The following COMMD1 variants were observed in gnomAD, a reference collection of about 807,000 sequenced individuals.
The protein encoded by COMMD1 is copper metabolism domain containing 1.
A neutral mutation model predicts 17.2 loss-of-function variants in COMMD1; 10 were observed. The observed-to-expected ratio is 0.58, with a 90% confidence interval of 0.36 to 0.99. COMMD1 has a LOEUF of 0.99. Ranked by LOEUF, COMMD1 falls within the 50% of genes least tolerant of loss-of-function variation. COMMD1 has a pLI of 0.01. For synonymous variants in COMMD1, 97 were observed against 91.6 expected (o/e 1.06, Z -0.34); for missense variants, 270 against 231.8 (o/e 1.17, Z -1.07).
chr2:62,013,580 G>A (rs1267424956), intron 2 of COMMD1, among the ~76,000 whole-genome samples: 2 of 152,248 alleles, frequency 1.3e-5, no homozygotes, highest in African/African-American at 4.8e-5. Context: ...GGCTCTCACA[G>A]TGGTCCAGGT....
chr2:61,910,255 C>CA (rs1004420032), intron 1 of COMMD1, among the ~76,000 whole-genome samples: 9 of 151,558 alleles, frequency 5.9e-5, no homozygotes, highest in South Asian at 2.1e-4. Context: ...AACACTGCCC[C>CA]CCCCTTTTTT....
chr2:62,123,467 T>C (rs1292315198), intron 2 of COMMD1, among the ~76,000 whole-genome samples: 2 of 141,568 alleles, frequency 1.4e-5, no homozygotes, highest in Admixed American at 7.6e-5. Context: ...ATTGCACCAC[T>C]GCACTCCAGC....
At chr2:62,013,869 G>A (rs138443839) in intron 2 of COMMD1, among the ~76,000 whole-genome samples, 7 of 152,274 alleles carry the variant, frequency 4.6e-5, no homozygotes, top group African/African-American at 1.2e-4. Context: ...TCCACTTGGG[G>A]AAAAATATGA....
At chr2:62,127,387 A>T (rs1287842872) in intron 2 of COMMD1, among the ~76,000 whole-genome samples, 1 of 152,242 alleles carries the variant, frequency 6.6e-6, no homozygotes, top group Non-Finnish European at 1.5e-5. Flanking sequence ...TTTAAAATTC[A>T]TATGGAACCA....
At position 61,940,056 on chromosome 2, in the gene COMMD1, G is replaced by A. The variant is rs940275185; in HGVS notation, c.180+34198G>A. On this transcript the variant is annotated intron_variant, in intron 1 of 2. Transcript: ENST00000311832. The stretch of plus-strand genomic sequence containing the variant: ...CAAGCCAATATTCCATAACAAGGCA[G>A]TAAATGTCCCTCAAGTAGAAATTCT... Among the ~76,000 whole-genome samples, 3 of 152,170 alleles carry A rather than the reference G, an allele frequency of 2.0e-5. No individual in the cohort carries two copies. In the East Asian group the frequency reaches 5.8e-4, roughly 29 times the overall value.
chr2:62,125,327 G>A (rs921994160), intron 2 of COMMD1, among the ~76,000 whole-genome samples: 6 of 152,268 alleles, frequency 3.9e-5, no homozygotes, highest in Non-Finnish European at 7.4e-5. Flanking sequence ...CTCTCATCAC[G>A]ATATGGGTAT....
intron 2 of COMMD1, among the ~76,000 whole-genome samples, chr2:62,128,021 CA>C (rs56019037): frequency 0.43 from 44,787 of 103,092 alleles, 7,616 homozygotes; most frequent in African/African-American, 0.53. Context: ...GACTCTATCT[CA>C]AAAAAAAAAA....
At chr2:62,103,342 C>T (rs1414578119) in intron 2 of COMMD1, among the ~76,000 whole-genome samples, 1 of 152,208 alleles carries the variant, frequency 6.6e-6, no homozygotes, top group East Asian at 1.9e-4. Context: ...AAAATTTCCC[C>T]TGTATCTTTG....
chr2:62,082,369 G>A (rs1326376093), intron 2 of COMMD1, among the ~76,000 whole-genome samples: 1 of 152,120 alleles, frequency 6.6e-6, no homozygotes, highest in African/African-American at 2.4e-5. Context: ...GAACACTCAA[G>A]TGGTAATCCT....
intron 1 of COMMD1, among the ~76,000 whole-genome samples, chr2:61,951,535 T>C (rs1291797468): frequency 6.6e-6 from 1 of 152,210 alleles, no homozygotes; most frequent in Admixed American, 6.5e-5. Context: ...ATTCCAACTC[T>C]GTGGATCTAA....
intron 2 of COMMD1, among the ~76,000 whole-genome samples, chr2:62,132,643 G>A (rs546261704): frequency 2.4e-4 from 37 of 152,074 alleles, no homozygotes; most frequent in Non-Finnish European, 1.3e-4. Context: ...TCAGGAGTTC[G>A]AGACCAGCCT....
At chr2:61,982,975 G>T (rs185519673) in intron 1 of COMMD1, among the ~76,000 whole-genome samples, 2 of 152,008 alleles carry the variant, frequency 1.3e-5, no homozygotes, top group African/African-American at 2.4e-5. Flanking sequence ...TGGCATGTAG[G>T]TTTCCTTTTT....
intron 2 of COMMD1, among the ~76,000 whole-genome samples, chr2:62,003,639 CA>C (rs1297225320): frequency 6.0e-5 from 9 of 148,896 alleles, no homozygotes; most frequent in African/African-American, 2.0e-4. Flanking sequence ...CACACACACA[CA>C]CCCAACAGAT....
At chr2:61,919,102 C>T (rs1304381830) in intron 1 of COMMD1, among the ~76,000 whole-genome samples, 1 of 151,142 alleles carries the variant, frequency 6.6e-6, no homozygotes, top group Non-Finnish European at 1.5e-5. Context: ...GACTCTGCCT[C>T]TCAGGTTTAA....
intron 2 of COMMD1, among the ~76,000 whole-genome samples, chr2:62,132,499 G>T (rs966117205): frequency 1.9e-4 from 29 of 152,114 alleles, no homozygotes; most frequent in African/African-American, 6.5e-4. Context: ...ATATATGTTA[G>T]TTACTGGTAA....
At chr2:61,964,711 G>C (rs1285560774) in intron 1 of COMMD1, among the ~76,000 whole-genome samples, 1 of 152,098 alleles carries the variant, frequency 6.6e-6, no homozygotes, top group Non-Finnish European at 1.5e-5. Context: ...TTTTGTGTTT[G>C]TGATAAAGAA....
intron 2 of COMMD1, among the ~76,000 whole-genome samples, chr2:62,009,628 A>C (rs1440515524): frequency 6.6e-6 from 1 of 151,810 alleles, no homozygotes; most frequent in Admixed American, 6.6e-5. Flanking sequence ...AGAAAGAATA[A>C]GAAATTTTGT....
chr2:62,125,706 G>A (rs988373594), intron 2 of COMMD1, among the ~76,000 whole-genome samples: 6 of 152,066 alleles, frequency 3.9e-5, no homozygotes, highest in African/African-American at 1.4e-4. Context: ...ATAAGAACAG[G>A]TTATAGCAAC....
chr2:62,067,524 A>G (rs1553386099), intron 2 of COMMD1, among the ~76,000 whole-genome samples: 1 of 152,234 alleles, frequency 6.6e-6, no homozygotes, highest in Non-Finnish European at 1.5e-5. Flanking sequence ...AACAAGAGAA[A>G]AGCTTGCAAA....
Sources: allele counts gnomAD v4.1 joint callset (sites outside exome capture counted in the v4.1 genomes callset), GRCh38; gene constraint gnomAD v4.1.1; transcripts MANE v1.5; gene names NCBI Gene and HGNC (gene_info 2026-07-23, HGNC 2026-07-21).